Variants in AKT3 observed in about 807,000 individuals in gnomAD.
AKT3 encodes the protein RAC-gamma serine/threonine-protein kinase.
AKT3 carries 15 observed loss-of-function variants against 65.3 expected under a neutral mutation model. The ratio of observed to expected loss-of-function variants is 0.23; its 90% CI spans 0.15 to 0.35. The LOEUF is 0.35. Ranked by LOEUF, AKT3 falls within the 10% of genes least tolerant of loss-of-function variation. The probability of loss-of-function intolerance (pLI) is 1.00; values close to 1 mark genes in which losing one functional copy is unlikely to be tolerated. For synonymous variants in AKT3, 206 were observed against 183.8 expected, an observed-to-expected ratio of 1.12 and a Z score of -0.98; for missense variants, 243 against 576.5, an observed-to-expected ratio of 0.42 and a Z score of 5.92.
At chr1:243,737,138 G>A (rs899682563) in intron 2 of AKT3, among the ~76,000 whole-genome samples, 12 of 151,968 alleles carry the variant, frequency 7.9e-5, no homozygotes, top group East Asian at 3.9e-4. Context: ...CTCTACCTTC[G>A]GATCTCAGCT....
At chr1:243,846,771 A>G (rs1481592094) in intron 1 of AKT3, among the ~76,000 whole-genome samples, 1 of 152,234 alleles carries the variant, frequency 6.6e-6, no homozygotes, top group East Asian at 1.9e-4. Flanking sequence ...TAACTGTAAT[A>G]ATAGGTACAA....
At chr1:243,527,870 AACACACAC>A (rs56956606) in intron 12 of AKT3, among the ~76,000 whole-genome samples, 1,262 of 99,092 alleles carry the variant, frequency 0.013, 27 homozygotes, top group East Asian at 0.02. Context: ...CATCTCTTAA[AACACACAC>A]ACACACACAC....
chr1:243,730,245 CT>C (rs561404719), intron 2 of AKT3, among the ~76,000 whole-genome samples: 165 of 152,226 alleles, frequency 1.1e-3, no homozygotes, highest in Non-Finnish European at 1.5e-3. Context: ...CCAGCTTCAG[CT>C]GGACTCAAGG....
intron 8 of AKT3, among the ~76,000 whole-genome samples, chr1:243,611,113 A>G (rs1677839047): frequency 1.3e-5 from 2 of 152,170 alleles, no homozygotes; most frequent in Non-Finnish European, 2.9e-5. Context: ...AGGTTTCATC[A>G]ATTTCATTTC....
At chr1:243,612,266 C>T (rs1558652723) in intron 8 of AKT3, among the ~76,000 whole-genome samples, 1 of 151,784 alleles carries the variant, frequency 6.6e-6, no homozygotes, top group Non-Finnish European at 1.5e-5. Context: ...GGGTGTGTGC[C>T]ACCATGTCCA....
intron 2 of AKT3, among the ~76,000 whole-genome samples, chr1:243,711,724 C>G (rs771359785): frequency 6.6e-6 from 1 of 152,160 alleles, no homozygotes; most frequent in Non-Finnish European, 1.5e-5. Flanking sequence ...CCTTGAATAG[C>G]AAGTATTGTT....
intron 3 of AKT3, among the ~76,000 whole-genome samples, chr1:243,688,288 A>G (rs1684471162): frequency 6.6e-6 from 1 of 152,174 alleles, no homozygotes; most frequent in Non-Finnish European, 1.5e-5. Context: ...TATGTCAAAA[A>G]GAAAATGTAT....
intron 13 of AKT3, among the ~76,000 whole-genome samples, chr1:243,494,485 C>T (rs1481200111): frequency 6.6e-5 from 10 of 152,208 alleles, no homozygotes; most frequent in Non-Finnish European, 1.5e-5. Context: ...TGCTGCATGT[C>T]TAACATAAGC....
At position 243,640,449 on chromosome 1, in the gene AKT3, A is replaced by G. The variant is rs1487403470; in HGVS notation, c.430-2707T>C. Among the ~76,000 whole-genome samples, 5 of 152,308 alleles carry G rather than the reference A, an allele frequency of 3.3e-5. No homozygotes were observed. In the East Asian group the frequency reaches 9.6e-4, roughly 29 times the overall value. On this transcript the variant is annotated intron_variant, in intron 5 of 13. Coordinates refer to ENST00000673466, the MANE Select transcript of AKT3 (RefSeq NM_005465.7). ...TATCTTGCTTTGAACACAGAATATGATCAAACTGATACTATGCCAGTAACA... is the reference window on the plus strand; with the variant it reads ...TATCTTGCTTTGAACACAGAATATGGTCAAACTGATACTATGCCAGTAACA...
At chr1:243,803,066 T>C (rs369413413) in intron 2 of AKT3, among the ~76,000 whole-genome samples, 14 of 152,196 alleles carry the variant, frequency 9.2e-5, no homozygotes, top group Non-Finnish European at 1.9e-4. Flanking sequence ...GAGGATGTCC[T>C]GAGCCCAGGA....
chr1:243,677,818 G>A (rs1448104397), intron 3 of AKT3, among the ~76,000 whole-genome samples: 1 of 152,192 alleles, frequency 6.6e-6, no homozygotes, highest in African/African-American at 2.4e-5. Context: ...TAGGTGCGGT[G>A]GCTCATGCCT....
chr1:243,802,550 C>G (rs1012741229), intron 2 of AKT3, among the ~76,000 whole-genome samples: 2 of 152,094 alleles, frequency 1.3e-5, no homozygotes, highest in African/African-American at 4.8e-5. Flanking sequence ...GGAAGAGAAG[C>G]TGGAACTCTT....
chr1:243,782,716 C>G (rs372260793), intron 2 of AKT3, among the ~76,000 whole-genome samples: 80 of 152,234 alleles, frequency 5.3e-4, no homozygotes, highest in African/African-American at 1.8e-3. Context: ...GGACGATTAG[C>G]GTATCTTTGA....
chr1:243,831,987 T>C (rs1694547663), intron 2 of AKT3, among the ~76,000 whole-genome samples: 1 of 151,574 alleles, frequency 6.6e-6, no homozygotes, highest in Non-Finnish European at 1.5e-5. Flanking sequence ...TGAATGGATA[T>C]AAGACTAGAG....
intron 2 of AKT3, among the ~76,000 whole-genome samples, chr1:243,773,777 A>G (rs954783897): frequency 6.6e-6 from 1 of 152,238 alleles, no homozygotes. Context: ...CCCAACTGAC[A>G]ACAGGTTGTA....
At chr1:243,674,141 T>G (rs1204655831) in intron 3 of AKT3, among the ~76,000 whole-genome samples, 2 of 152,186 alleles carry the variant, frequency 1.3e-5, no homozygotes, top group Non-Finnish European at 2.9e-5. Context: ...ATTGAAATCA[T>G]GTTAAAAAAT....
chr1:243,681,067 G>C (rs1683879409), intron 3 of AKT3, among the ~76,000 whole-genome samples: 1 of 152,104 alleles, frequency 6.6e-6, no homozygotes, highest in Non-Finnish European at 1.5e-5. Context: ...AAAAGCACTG[G>C]TCTGGAAACT....
At chr1:243,590,197 G>A (rs1442530762) in intron 8 of AKT3, among the ~76,000 whole-genome samples, 3 of 152,142 alleles carry the variant, frequency 2.0e-5, no homozygotes, top group Non-Finnish European at 4.4e-5. Context: ...TAATGATACT[G>A]TACTGTATAT....
chr1:243,517,710 A>C (rs1670455996), intron 12 of AKT3, among the ~76,000 whole-genome samples: 1 of 152,230 alleles, frequency 6.6e-6, no homozygotes. Context: ...TTGGTTTCTT[A>C]TAAGCAGCAT....
Sources: gnomAD v4.1 joint callset for allele counts (sites outside exome capture counted in the v4.1 genomes callset) on GRCh38, gnomAD v4.1.1 for gene constraint, MANE v1.5 for transcripts, NCBI Gene and HGNC (gene_info 2026-07-23, HGNC 2026-07-21) for gene names.